C1D: variants seen among roughly 807,000 people sequenced by gnomAD.
C1D encodes the protein nuclear nucleic acid-binding protein C1D.
C1D carries 10 observed loss-of-function variants against 17.5 expected under a neutral mutation model. The observed-to-expected ratio is 0.57, with a 90% CI of 0.35 to 0.97. C1D has a LOEUF of 0.97. Among genes scored for constraint, C1D ranks in the 50% least tolerant of loss-of-function variants. C1D has a pLI of 0.01. For missense variants in C1D, 136 were observed against 160.1 expected, an observed-to-expected ratio of 0.85 and a Z score of 0.81; for synonymous variants, 49 against 54.0, an observed-to-expected ratio of 0.91 and a Z score of 0.40.
intron 1 of C1D, among the ~76,000 whole-genome samples, chr2:68,054,711 C>A (rs1389854836): frequency 1.3e-5 from 2 of 151,816 alleles, no homozygotes; most frequent in Non-Finnish European, 2.9e-5. Context: ...TCTGTAATTC[C>A]AACACTTTGG....
rs553256390 is a variant in C1D, at chr2:68,046,571, A to G, written c.139-161T>C. On this transcript the variant is annotated intron_variant, in intron 2 of 4. Coordinates refer to ENST00000410067, the MANE Select transcript of C1D (RefSeq NM_173177.3). Reference sequence around the variant, plus strand: ...TCCAATAACCAAATGATCTGAAAATAATTTGTAAAAAGAAGTTTTCTTAAT... The same window carrying G: ...TCCAATAACCAAATGATCTGAAAATGATTTGTAAAAAGAAGTTTTCTTAAT... 1.5e-5 allele frequency: 8 copies of G among 534,988 alleles called. No homozygotes were observed. In the East Asian group the frequency reaches 2.5e-4, roughly 17 times the overall value. The allele number at this position is 534,988 out of a possible 1,614,324, so 33.1% of individuals were successfully genotyped here.
chr2:68,049,173 G>A (rs894755279), intron 1 of C1D, among the ~76,000 whole-genome samples: 1 of 151,166 alleles, frequency 6.6e-6, no homozygotes, highest in Non-Finnish European at 1.5e-5. Context: ...CTTCAGCCTG[G>A]GCAACAGAGT....
At chr2:68,059,673 A>C (rs1671563517) in intron 1 of C1D, among the ~76,000 whole-genome samples, 1 of 152,174 alleles carries the variant, frequency 6.6e-6, no homozygotes, top group African/African-American at 2.4e-5. Context: ...GACAAAACTG[A>C]ACATACTACT....
chr2:68,042,859 T>C lies in C1D; in HGVS notation c.*30A>G. 2.0e-6 allele frequency: 2 copies of C among 992,080 alleles called. No individual in the cohort carries two copies. Among genetic ancestry groups the C allele is most frequent in the Non-Finnish European group, 2.9e-6 (2 of 679,310 alleles). The allele number at this position is 992,080 out of a possible 1,614,324, so 61.5% of individuals were successfully genotyped here. ...GGGGGGGGGGGGGGAAGATGTACTTTTTGAATATGTGTACATCAAAACCAA... is the reference window on the plus strand; with the variant it reads ...GGGGGGGGGGGGGGAAGATGTACTTCTTGAATATGTGTACATCAAAACCAA... On this transcript the variant is annotated 3_prime_UTR_variant, in exon 5 of 5. Coordinates refer to ENST00000410067, the MANE Select transcript of C1D (RefSeq NM_173177.3).
chr2:68,051,460 C>T (rs1043509746), intron 1 of C1D, among the ~76,000 whole-genome samples: 1 of 152,112 alleles, frequency 6.6e-6, no homozygotes, highest in Non-Finnish European at 1.5e-5. Flanking sequence ...GAGTTCAAGA[C>T]CAACTTGGGC....
chr2:68,049,750 G>A (rs764569613), intron 1 of C1D, among the ~76,000 whole-genome samples: 17 of 152,030 alleles, frequency 1.1e-4, no homozygotes, highest in African/African-American at 2.9e-4. Context: ...AAATGTAAAC[G>A]TATAAACATA....
Sources: allele counts gnomAD v4.1 joint callset (sites outside exome capture counted in the v4.1 genomes callset), GRCh38; gene constraint gnomAD v4.1.1; transcripts MANE v1.5; gene names NCBI Gene and HGNC (gene_info 2026-07-23, HGNC 2026-07-21).